The following AKAP6 variants were observed in gnomAD, a reference collection of about 807,000 sequenced individuals.
AKAP6 encodes A-kinase anchor protein 6.
In AKAP6, 58 loss-of-function variants were observed where a neutral mutation model predicts 188.5. The ratio of observed to expected loss-of-function variants is 0.31; its 90% CI spans 0.25 to 0.38. The LOEUF (loss-of-function observed/expected upper bound fraction) is 0.38. Ranked by LOEUF, AKAP6 falls within the 10% of genes least tolerant of loss-of-function variation. The pLI, the probability that AKAP6 is intolerant of heterozygous loss-of-function variation, is 1.00. For missense variants in AKAP6, 2,710 were observed against 2,740.0 expected, an observed-to-expected ratio of 0.99 and a Z score of 0.24; for synonymous variants, 989 against 998.6, an observed-to-expected ratio of 0.99 and a Z score of 0.18.
chr14:32,347,954 T>G (rs749704870), intron 1 of AKAP6, among the ~76,000 whole-genome samples: 1 of 152,238 alleles, frequency 6.6e-6, no homozygotes, highest in African/African-American at 2.4e-5. Flanking sequence ...TTAGTTCTTA[T>G]AACTCTTTTC....
intron 2 of AKAP6, among the ~76,000 whole-genome samples, chr14:32,535,299 T>C (rs1166159041): frequency 6.6e-6 from 1 of 152,176 alleles, no homozygotes; most frequent in Non-Finnish European, 1.5e-5. Flanking sequence ...TGACTTTCAA[T>C]TTGGGCATCT....
intron 7 of AKAP6, among the ~76,000 whole-genome samples, chr14:32,652,676 T>C (rs2139537364): frequency 6.6e-6 from 1 of 152,334 alleles, no homozygotes; most frequent in Non-Finnish European, 1.5e-5. Flanking sequence ...GCTACAGCTC[T>C]ACTGCTATCC....
intron 5 of AKAP6, among the ~76,000 whole-genome samples, chr14:32,596,324 A>C (rs1885703607): frequency 6.6e-6 from 1 of 152,216 alleles, no homozygotes; most frequent in Non-Finnish European, 1.5e-5. Context: ...CTGCTTTGCA[A>C]ATCTGATCAT....
In AKAP6 at chr14:32,646,361, A is replaced by G. The variant is rs186842132; in HGVS notation, c.2731-31950A>G. Among the ~76,000 whole-genome samples, 217 of 152,228 alleles carry G rather than the reference A, an allele frequency of 1.4e-3. 1 individual carries two copies. The highest frequency in any genetic ancestry group is 6.8e-3 in the Middle Eastern group (2 of 292). ...GATGAAAAAAATAATGGTATTCAACACTAATATGACAAGTTTCAGAGAGAC... is the reference window on the plus strand; with the variant it reads ...GATGAAAAAAATAATGGTATTCAACGCTAATATGACAAGTTTCAGAGAGAC... On this transcript the variant is annotated intron_variant, in intron 7 of 13. Coordinates refer to ENST00000280979, the MANE Select transcript of AKAP6 (RefSeq NM_004274.5).
At chr14:32,669,795 C>T (rs956714357) in intron 7 of AKAP6, among the ~76,000 whole-genome samples, 6 of 151,988 alleles carry the variant, frequency 3.9e-5, no homozygotes, top group East Asian at 1.9e-4. Flanking sequence ...GAAGAAGTGC[C>T]GAGCAAAAGG....
At chr14:32,667,329 A>G (rs1888985409) in intron 7 of AKAP6, among the ~76,000 whole-genome samples, 2 of 152,024 alleles carry the variant, frequency 1.3e-5, no homozygotes, top group Admixed American at 6.6e-5. Flanking sequence ...TTGGAACACT[A>G]AGAGTATGAA....
At chr14:32,792,238 T>C (rs2033633449) in intron 12 of AKAP6, among the ~76,000 whole-genome samples, 1 of 152,198 alleles carries the variant, frequency 6.6e-6, no homozygotes, top group Admixed American at 6.5e-5. Flanking sequence ...TGATATTGAT[T>C]CTTCCTATCC....
rs531301403 is a variant in AKAP6, at chr14:32,708,719, G to A, written c.3000+12609G>A. Among the ~76,000 whole-genome samples the A allele has an allele frequency of 5.5e-4, 83 of 151,948 alleles. 1 individual carries two copies. The highest frequency in any genetic ancestry group is 9.9e-4 in the Non-Finnish European group (67 of 67,924). On this transcript the variant is annotated intron_variant, in intron 9 of 13. Coordinates refer to ENST00000280979, the MANE Select transcript of AKAP6 (RefSeq NM_004274.5). ...TTACAAGATGCATCATTTCAAATTA[G>A]CATCTGACAGATTTGTAATCACTTC... is the stretch of plus-strand genomic sequence containing the variant.
chr14:32,619,014 C>A (rs913977725), intron 7 of AKAP6, among the ~76,000 whole-genome samples: 5 of 151,790 alleles, frequency 3.3e-5, no homozygotes, highest in African/African-American at 1.2e-4. Context: ...TATTTACCTA[C>A]TTTTTAATGG....
intron 12 of AKAP6, among the ~76,000 whole-genome samples, chr14:32,785,748 C>A (rs189621185): frequency 7.2e-4 from 110 of 152,268 alleles, no homozygotes; most frequent in African/African-American, 2.3e-3. Flanking sequence ...TTCTTTCTCT[C>A]ACAACTTTCC....
At chr14:32,531,222 T>C (rs1198074136) in intron 2 of AKAP6, among the ~76,000 whole-genome samples, 1 of 152,218 alleles carries the variant, frequency 6.6e-6, no homozygotes, top group Non-Finnish European at 1.5e-5. Flanking sequence ...GAAAAAAATC[T>C]TATGCAACTT....
In AKAP6 at chr14:32,830,210, C is replaced by T. The variant is rs1377214490; in HGVS notation, c.*405C>T. Reference sequence around the variant, plus strand: ...TAAATTCTCCTGTCTAGAATGACCCCCCCACCAGTACTTGACCAATTTCAT... The same window carrying T: ...TAAATTCTCCTGTCTAGAATGACCCTCCCACCAGTACTTGACCAATTTCAT... On this transcript the variant is annotated 3_prime_UTR_variant, in exon 14 of 14. Coordinates refer to ENST00000280979, the MANE Select transcript of AKAP6 (RefSeq NM_004274.5). 9.1e-6 allele frequency: 4 copies of T among 441,494 alleles called. No individual in the cohort carries two copies. The East Asian group carries it at 1.5e-4, about 17-fold the overall frequency. The allele number at this position is 441,494 out of a possible 1,614,324, so 27.3% of individuals were successfully genotyped here.
In AKAP6 at chr14:32,425,694, G is replaced by A. The variant is rs982291966; in HGVS notation, c.-34-7766G>A. ...CATATCCTTTGCTCATTTTTAATGGGGTTGTTTTTCTCTTGTAAGTTTGTT... is the reference window on the plus strand; with the variant it reads ...CATATCCTTTGCTCATTTTTAATGGAGTTGTTTTTCTCTTGTAAGTTTGTT... On this transcript the variant is annotated intron_variant, in intron 1 of 13. Transcript: ENST00000280979. 1.9e-4 allele frequency among the ~76,000 whole-genome samples: 29 copies of A among 152,110 alleles called. 1 individual carries two copies. Among genetic ancestry groups the A allele is most frequent in the African/African-American group, 5.8e-4 (24 of 41,426 alleles).
At chr14:32,615,248 G>A (rs1286566841) in intron 7 of AKAP6, among the ~76,000 whole-genome samples, 1 of 150,846 alleles carries the variant, frequency 6.6e-6, no homozygotes, top group Non-Finnish European at 1.5e-5. Flanking sequence ...GTAACAAGCT[G>A]AGGTGCTATA....
At chr14:32,581,266 A>C (rs966133950) in intron 5 of AKAP6, among the ~76,000 whole-genome samples, 1 of 152,328 alleles carries the variant, frequency 6.6e-6, no homozygotes, top group East Asian at 1.9e-4. Flanking sequence ...GTAGTTATTC[A>C]GGAGCAGGTT....
chr14:32,688,138 G>A (rs1483539461), intron 8 of AKAP6, among the ~76,000 whole-genome samples: 2 of 150,596 alleles, frequency 1.3e-5, no homozygotes, highest in Admixed American at 1.3e-4. Flanking sequence ...ATAAAATATA[G>A]TGTGTATATA....
chr14:32,346,624 T>C (rs1470169354), intron 1 of AKAP6, among the ~76,000 whole-genome samples: 1 of 152,228 alleles, frequency 6.6e-6, no homozygotes, highest in Non-Finnish European at 1.5e-5. Context: ...TTCTCCTGCC[T>C]CAGCCTCCCG....
At chr14:32,764,764 TA>T (rs2032654363) in intron 11 of AKAP6, among the ~76,000 whole-genome samples, 1 of 152,070 alleles carries the variant, frequency 6.6e-6, no homozygotes, top group African/African-American at 2.4e-5. Flanking sequence ...AATGATTCAA[TA>T]CATATAAAGT....
At chr14:32,477,061 C>T (rs1188595763) in intron 2 of AKAP6, among the ~76,000 whole-genome samples, 1 of 152,164 alleles carries the variant, frequency 6.6e-6, no homozygotes, top group Non-Finnish European at 1.5e-5. Context: ...AGCTCTGGCT[C>T]ATGGGTATGA....
Sources: allele counts gnomAD v4.1 joint callset (sites outside exome capture counted in the v4.1 genomes callset), GRCh38; gene constraint gnomAD v4.1.1; transcripts MANE v1.5; gene names NCBI Gene and HGNC (gene_info 2026-07-23, HGNC 2026-07-21).